The following ROBO2 variants were observed in gnomAD, a reference collection of about 807,000 sequenced individuals.
The protein encoded by ROBO2 is roundabout guidance receptor 2.
Under a neutral mutation model 160.8 loss-of-function variants are expected in ROBO2, and 53 were observed. That is an observed-to-expected ratio of 0.33 (90% CI 0.26 to 0.41). The LOEUF (loss-of-function observed/expected upper bound fraction) is 0.41. Ranked by LOEUF, ROBO2 falls within the 10% of genes least tolerant of loss-of-function variation. The pLI is 1.00. For missense variants in ROBO2, 1,577 were observed against 1,722.4 expected, an observed-to-expected ratio of 0.92 and a Z score of 1.49; for synonymous variants, 664 against 611.7, an observed-to-expected ratio of 1.09 and a Z score of -1.26.
chr3:75,943,841 C>T (rs1948161767), intron 2 of ROBO2, among the ~76,000 whole-genome samples: 1 of 151,902 alleles, frequency 6.6e-6, no homozygotes, highest in Non-Finnish European at 1.5e-5. Flanking sequence ...GCTGGGATTA[C>T]AGGTATGCAT....
intron 2 of ROBO2, among the ~76,000 whole-genome samples, chr3:76,021,304 T>C (rs1055920242): frequency 6.6e-6 from 1 of 151,836 alleles, no homozygotes; most frequent in Non-Finnish European, 1.5e-5. Flanking sequence ...TTTATATTTT[T>C]TCAACTATTT....
chr3:76,400,484 A>G (rs1453216211), intron 2 of ROBO2, among the ~76,000 whole-genome samples: 1 of 151,606 alleles, frequency 6.6e-6, no homozygotes, highest in Non-Finnish European at 1.5e-5. Flanking sequence ...CAAAAATTCT[A>G]TTATTGGTTT....
intron 5 of ROBO2, among the ~76,000 whole-genome samples, chr3:77,514,635 A>T (rs570336252): frequency 2.0e-5 from 3 of 152,004 alleles, no homozygotes; most frequent in African/African-American, 7.2e-5. Context: ...CTGTGCAATT[A>T]TATGTAAAGC....
chr3:76,089,270 A>T (rs1472765151), intron 2 of ROBO2, among the ~76,000 whole-genome samples: 2 of 152,108 alleles, frequency 1.3e-5, no homozygotes, highest in Admixed American at 6.6e-5. Flanking sequence ...AAAATAAATT[A>T]TGCCAATTCT....
chr3:76,215,356 C>T (rs1002773490), intron 2 of ROBO2, among the ~76,000 whole-genome samples: 12 of 152,110 alleles, frequency 7.9e-5, no homozygotes, highest in Admixed American at 3.9e-4. Flanking sequence ...GAAGATCAAA[C>T]TACTCCGATC....
chr3:76,612,514 C>T (rs1203731200), intron 2 of ROBO2, among the ~76,000 whole-genome samples: 1 of 152,036 alleles, frequency 6.6e-6, no homozygotes, highest in Non-Finnish European at 1.5e-5. Flanking sequence ...AACACATGGA[C>T]ACAGGGAGGG....
At chr3:76,029,170 T>C (rs1038206359) in intron 2 of ROBO2, among the ~76,000 whole-genome samples, 6 of 152,080 alleles carry the variant, frequency 3.9e-5, no homozygotes, top group Non-Finnish European at 7.4e-5. Context: ...ATTTAGTTTT[T>C]TTGTTAAAAA....
At chr3:76,902,342 T>C (rs2075297707) in intron 2 of ROBO2, among the ~76,000 whole-genome samples, 1 of 152,200 alleles carries the variant, frequency 6.6e-6, no homozygotes, top group East Asian at 1.9e-4. Context: ...TATTTGGCAA[T>C]GCTATGTAAG....
chr3:77,577,739 A>G, intron 15 of ROBO2, 125 bp downstream of exon 16: 2 of 1,196,390 alleles, frequency 1.7e-6, no homozygotes, highest in Non-Finnish European at 2.4e-6. Context: ...TTTTATTTAT[A>G]TTTCTGTGTG....
chr3:76,455,464 A>G (rs1166009127), intron 2 of ROBO2, among the ~76,000 whole-genome samples: 2 of 152,150 alleles, frequency 1.3e-5, no homozygotes, highest in Non-Finnish European at 2.9e-5. Context: ...TAAAAAGAGT[A>G]AAATAATAAA....
At chr3:76,296,435 C>A (rs186495564) in intron 2 of ROBO2, among the ~76,000 whole-genome samples, 8 of 152,324 alleles carry the variant, frequency 5.3e-5, no homozygotes, top group African/African-American at 1.9e-4. Flanking sequence ...TCTGTCCTTT[C>A]TCCATGAGTA....
At chr3:76,575,542 T>A (rs2108645516) in intron 2 of ROBO2, among the ~76,000 whole-genome samples, 1 of 152,184 alleles carries the variant, frequency 6.6e-6, no homozygotes, top group Middle Eastern at 3.4e-3. Flanking sequence ...AGGCAAGTAT[T>A]TTTGTCTCTT....
At chr3:77,409,928 A>T (rs1453230802) in intron 2 of ROBO2, among the ~76,000 whole-genome samples, 1 of 152,224 alleles carries the variant, frequency 6.6e-6, no homozygotes, top group East Asian at 1.9e-4. Context: ...AAGTCTACAG[A>T]TGTTCACATT....
At chr3:76,822,303 C>A (rs1403862623) in intron 2 of ROBO2, among the ~76,000 whole-genome samples, 1 of 151,862 alleles carries the variant, frequency 6.6e-6, no homozygotes, top group Non-Finnish European at 1.5e-5. Context: ...ACAGTGAATA[C>A]TGAGTAAATT....
At chr3:76,234,182 C>T (rs989567397) in intron 2 of ROBO2, among the ~76,000 whole-genome samples, 1 of 152,166 alleles carries the variant, frequency 6.6e-6, no homozygotes, top group South Asian at 2.1e-4. Flanking sequence ...TAGTATTCCA[C>T]GTGTATATGT....
chr3:76,173,099 T>G (rs1264211262), intron 2 of ROBO2, among the ~76,000 whole-genome samples: 1 of 145,282 alleles, frequency 6.9e-6, no homozygotes, highest in Non-Finnish European at 1.5e-5. Flanking sequence ...GAGAATTACG[T>G]GCATTTCATT....
At chr3:76,548,671 G>C (rs2108323555) in intron 2 of ROBO2, among the ~76,000 whole-genome samples, 1 of 151,500 alleles carries the variant, frequency 6.6e-6, no homozygotes, top group Non-Finnish European at 1.5e-5. Flanking sequence ...AGAAGTCAAG[G>C]AGAAAGCAAT....
intron 8 of ROBO2, among the ~76,000 whole-genome samples, chr3:77,554,261 GA>G (rs964504295): frequency 3.3e-5 from 5 of 151,306 alleles, no homozygotes; most frequent in African/African-American, 7.3e-5. Context: ...CTACTCTGCA[GA>G]AAAAAAAATT....
chr3:77,184,549 T>C (rs2081103888), intron 2 of ROBO2, among the ~76,000 whole-genome samples: 1 of 152,042 alleles, frequency 6.6e-6, no homozygotes, highest in Non-Finnish European at 1.5e-5. Flanking sequence ...TGATTGATTT[T>C]AGCATGCCTA....
Sources: allele counts gnomAD v4.1 joint callset (sites outside exome capture counted in the v4.1 genomes callset), GRCh38; gene constraint gnomAD v4.1.1; transcripts MANE v1.5; gene names NCBI Gene and HGNC (gene_info 2026-07-23, HGNC 2026-07-21).